PAPSS2: variants seen among roughly 807,000 people sequenced by gnomAD.
PAPSS2 encodes the protein 3'-phosphoadenosine 5'-phosphosulfate synthase 2, also known as bifunctional 3'-phosphoadenosine 5'-phosphosulfate synthase 2.
In PAPSS2, 61 loss-of-function variants were observed where a neutral mutation model predicts 66.5. The ratio of observed to expected loss-of-function variants is 0.92; its 90% confidence interval spans 0.75 to 1.14. PAPSS2 has a LOEUF of 1.14. Ranked by LOEUF, PAPSS2 falls within the 50% of genes most tolerant of loss-of-function variation. The pLI, the probability that PAPSS2 is intolerant of heterozygous loss-of-function variation, is 0.00. For missense variants in PAPSS2, 708 were observed against 789.6 expected, an observed-to-expected ratio of 0.90 and a Z score of 1.24; for synonymous variants, 289 against 287.5, an observed-to-expected ratio of 1.01 and a Z score of -0.05.
intron 1 of PAPSS2, among the ~76,000 whole-genome samples, chr10:87,700,464 C>T (rs1360513098): frequency 6.6e-6 from 1 of 151,892 alleles, no homozygotes; most frequent in Non-Finnish European, 1.5e-5. Flanking sequence ...CTAGACCAGC[C>T]CAGGTAATGT....
intron 8 of PAPSS2, among the ~76,000 whole-genome samples, chr10:87,726,151 G>C: frequency 6.6e-6 from 1 of 152,198 alleles, no homozygotes; most frequent in Non-Finnish European, 1.5e-5. Context: ...TAATTTAACG[G>C]CTGGGCACGG....
At chr10:87,735,534 A>G (rs1345365399) in intron 9 of PAPSS2, among the ~76,000 whole-genome samples, 1 of 152,190 alleles carries the variant, frequency 6.6e-6, no homozygotes, top group African/African-American at 2.4e-5. Context: ...ATAGGTATGG[A>G]TATTTGAAAA....
Position 87,714,102 on chromosome 10 carries a change from T to A in PAPSS2, c.440T>A (p.Phe147Tyr). 1 of 1,614,016 alleles carries A rather than the reference T, an allele frequency of 6.2e-7. No individual in the cohort carries two copies. The highest frequency in any genetic ancestry group is 1.1e-5 in the South Asian group (1 of 91,086). ...GCAGGGCTGCCATTCTTTGAAATAT[T>A]TGTAGATGCACCTCTAAATATTTGT... ...ESAGLPFFEI[F>Y]VDAPLNICES... The change falls in exon 4 of 13, where the codon TTT becomes TAT. Residue 147 changes from phenylalanine to tyrosine, a missense_variant. By Grantham distance (22) the Phe-to-Tyr change is conservative. Coordinates refer to ENST00000456849, the MANE Select transcript of PAPSS2 (RefSeq NM_001015880.2).
chr10:87,744,977 CA>C, intron 11 of PAPSS2, 24 bp from the exon 12 acceptor site: 1 of 1,587,076 alleles, frequency 6.3e-7, no homozygotes, highest in South Asian at 1.1e-5. Context: ...CAATGACCAG[CA>C]TGTCCCTTAT....
In PAPSS2 at chr10:87,746,118, T is replaced by A. The variant is rs12249462; in HGVS notation, c.*148T>A. On this transcript the variant is annotated 3_prime_UTR_variant, in exon 13 of 13. Coordinates refer to ENST00000456849, the MANE Select transcript of PAPSS2 (RefSeq NM_001015880.2). The stretch of plus-strand genomic sequence containing the variant: ...AGTTGTGTCTATAATTAAAAAAAAA[T>A]ATATATATATACACACACACATATA... The A allele has an allele frequency of 0.012, 6,952 of 566,328 alleles. 67 individuals are homozygous for A. Among genetic ancestry groups the A allele is most frequent in the Middle Eastern group, 0.026 (52 of 1,988 alleles). 35.1% of individuals were successfully genotyped at this position (566,328 alleles called of 1,614,324 possible).
chr10:87,664,555 C>T (rs1852792221), intron 1 of PAPSS2, among the ~76,000 whole-genome samples: 1 of 152,120 alleles, frequency 6.6e-6, no homozygotes, highest in South Asian at 2.1e-4. Context: ...AGTTATATGT[C>T]TCTTTGAGAT....
intron 1 of PAPSS2, among the ~76,000 whole-genome samples, chr10:87,666,725 T>C (rs1451640353): frequency 1.3e-5 from 2 of 152,146 alleles, no homozygotes; most frequent in African/African-American, 4.8e-5. Context: ...GTTTTGTTGC[T>C]CCAGCACAAC....
rs747613769 is a variant in PAPSS2 at position 87,747,410 on chromosome 10, TTAAC to T, written c.*1445_*1448del. ...TTCTCATTCTTAAAAAACACTAATCTTAACTAACAAAAGTTCTTTTGAGAATAAG... is the reference window on the plus strand; with the variant it reads ...TTCTCATTCTTAAAAAACACTAATCTTAACAAAAGTTCTTTTGAGAATAAG... On this transcript the variant is annotated 3_prime_UTR_variant, in exon 13 of 13. Coordinates refer to ENST00000456849, the MANE Select transcript of PAPSS2 (RefSeq NM_001015880.2). 10 of 152,166 alleles carry T rather than the reference TTAAC, an allele frequency of 6.6e-5. No individual in the cohort carries two copies. The highest frequency in any genetic ancestry group is 9.7e-5 in the African/African-American group (4 of 41,434). 9.4% of individuals were successfully genotyped at this position (152,166 alleles called of 1,614,324 possible).
intron 1 of PAPSS2, among the ~76,000 whole-genome samples, chr10:87,695,972 T>C (rs1192836032): frequency 6.6e-6 from 1 of 152,198 alleles, no homozygotes; most frequent in Non-Finnish European, 1.5e-5. Flanking sequence ...CTGGCCTCAC[T>C]GTCTTTCCAC....
At chr10:87,707,892 G>C (rs548755674) in intron 1 of PAPSS2, among the ~76,000 whole-genome samples, 514 of 152,148 alleles carry the variant, frequency 3.4e-3, no homozygotes, top group African/African-American at 0.012. Context: ...TCTAGCTCTT[G>C]CTAAAAAAAG....
At chr10:87,723,715 AC>A (rs1307318813) in intron 8 of PAPSS2, among the ~76,000 whole-genome samples, 1 of 152,114 alleles carries the variant, frequency 6.6e-6, no homozygotes, top group Non-Finnish European at 1.5e-5. Flanking sequence ...GGTTCTAGTA[AC>A]CTTTGGAGAG....
At chr10:87,670,126 A>C (rs1852858157) in intron 1 of PAPSS2, among the ~76,000 whole-genome samples, 2 of 152,374 alleles carry the variant, frequency 1.3e-5, no homozygotes, top group South Asian at 4.1e-4. Flanking sequence ...TAATTGGAAA[A>C]TAAATTTTAT....
rs367885911 is a variant in PAPSS2, at chr10:87,713,312, T to TAAAAAAAAAAAAAAAAAAAAAAAAAAA, written c.381+24_381+25insAAAAAAAAAAAAAAAAAAAAAAAAAAA. The TAAAAAAAAAAAAAAAAAAAAAAAAAAA allele has an allele frequency of 1.4e-4, 81 of 575,138 alleles. 5 individuals carry two copies. In the East Asian group the frequency reaches 1.4e-3, roughly 10 times the overall value. The allele number at this position is 575,138 out of a possible 1,614,324, so 35.6% of individuals were successfully genotyped here. On this transcript the variant is annotated splice_region_variant and intron_variant, in intron 3 of 12. Transcript: ENST00000456849. ...AGCTTTATTTCTCCATTCGCAAAGG[T>TAAAAAAAAAAAAAAAAAAAAAAAAAAA]AAAAAAAAAAAAAAAAAAAAAAGGC...
At chr10:87,736,442 A>G (rs1343448866) in intron 9 of PAPSS2, among the ~76,000 whole-genome samples, 2 of 151,340 alleles carry the variant, frequency 1.3e-5, no homozygotes, top group Admixed American at 6.6e-5. Flanking sequence ...TATTTTTTAT[A>G]TTTTTAGTAG....
chr10:87,676,419 C>A (rs924617511), intron 1 of PAPSS2, among the ~76,000 whole-genome samples: 3 of 152,142 alleles, frequency 2.0e-5, no homozygotes, highest in Non-Finnish European at 4.4e-5. Context: ...ACGGACCTGT[C>A]TTTCCTTTGT....
intron 1 of PAPSS2, among the ~76,000 whole-genome samples, chr10:87,679,952 G>A (rs1852998110): frequency 6.6e-6 from 1 of 150,496 alleles, no homozygotes; most frequent in African/African-American, 2.5e-5. Flanking sequence ...CTTGAGACTC[G>A]AAGGTCAAGG....
chr10:87,660,062 C>T, intron 1 of PAPSS2, 54 bp downstream of exon 1: 1 of 1,565,468 alleles, frequency 6.4e-7, no homozygotes, highest in Non-Finnish European at 8.7e-7. Context: ...ACGCGCCGAC[C>T]CCCAACCCCC....
intron 1 of PAPSS2, among the ~76,000 whole-genome samples, chr10:87,704,703 A>C (rs1051440670): frequency 6.6e-6 from 1 of 152,158 alleles, no homozygotes; most frequent in Non-Finnish European, 1.5e-5. Context: ...GTGCAGTCAC[A>C]CAGTCTTGGC....
intron 1 of PAPSS2, among the ~76,000 whole-genome samples, chr10:87,678,969 C>T (rs997723615): frequency 6.6e-6 from 1 of 152,112 alleles, no homozygotes; most frequent in African/African-American, 2.4e-5. Context: ...CAAAGAGATA[C>T]CTACATTTAC....
Sources: allele counts gnomAD v4.1 joint callset (sites outside exome capture counted in the v4.1 genomes callset), GRCh38; gene constraint gnomAD v4.1.1; transcripts MANE v1.5; gene names NCBI Gene and HGNC (gene_info 2026-07-23, HGNC 2026-07-21).